Variants in ME1 observed in about 807,000 individuals in gnomAD.
ME1 encodes the protein malic enzyme 1, also known as NADP-dependent malic enzyme.
Under a neutral mutation model 66.4 loss-of-function variants are expected in ME1, and 74 were observed. The ratio of observed to expected loss-of-function variants is 1.11; its 90% CI spans 0.92 to 1.35. The LOEUF (loss-of-function observed/expected upper bound fraction) is 1.35, where lower values mean the gene tolerates loss of function less well. Among genes scored for constraint, ME1 ranks in the 40% most tolerant of loss-of-function variants. ME1 has a pLI of 0.00. For synonymous variants in ME1, 251 were observed against 235.6 expected (o/e 1.07, Z -0.60); for missense variants, 750 against 694.1 (o/e 1.08, Z -0.90).
At chr6:83,407,658 G>C in intron 2 of ME1, 110 bp downstream of exon 2, 1 of 1,079,152 alleles carries the variant, frequency 9.3e-7, no homozygotes, top group Non-Finnish European at 1.3e-6. Flanking sequence ...TCTTCTCAAA[G>C]TTGGCTACCC....
At chr6:83,320,630 T>A (rs1768133006) in intron 5 of ME1, among the ~76,000 whole-genome samples, 1 of 152,218 alleles carries the variant, frequency 6.6e-6, no homozygotes, top group Non-Finnish European at 1.5e-5. Context: ...ATTAAAATAC[T>A]TTCTCCATGT....
chr6:83,395,223 G>T (rs1203025561), intron 3 of ME1, among the ~76,000 whole-genome samples: 2 of 151,656 alleles, frequency 1.3e-5, no homozygotes, highest in Non-Finnish European at 2.9e-5. Context: ...TAGTAGCTGG[G>T]ATTACAGGCA....
At chr6:83,319,477 G>A (rs1250558879) in intron 5 of ME1, among the ~76,000 whole-genome samples, 1 of 152,096 alleles carries the variant, frequency 6.6e-6, no homozygotes. Context: ...TCTGATAACA[G>A]AGAAGGCCTA....
chr6:83,330,896 G>A (rs2128542063), intron 5 of ME1, among the ~76,000 whole-genome samples: 1 of 152,184 alleles, frequency 6.6e-6, no homozygotes, highest in African/African-American at 2.4e-5. Flanking sequence ...CAAACTCCTG[G>A]GAGTTGAGAA....
At chr6:83,359,746 A>G (rs1468503271) in intron 3 of ME1, among the ~76,000 whole-genome samples, 1 of 152,190 alleles carries the variant, frequency 6.6e-6, no homozygotes, top group Non-Finnish European at 1.5e-5. Context: ...ACCCTTGACC[A>G]ATGTCTTGCA....
At chr6:83,368,817 T>C (rs1017016679) in intron 3 of ME1, among the ~76,000 whole-genome samples, 1 of 152,098 alleles carries the variant, frequency 6.6e-6, no homozygotes, top group African/African-American at 2.4e-5. Context: ...AATTTAGAGA[T>C]AAGAAGAGCT....
intron 1 of ME1, among the ~76,000 whole-genome samples, chr6:83,424,998 CTTTTG>C (rs1441507258): frequency 6.6e-6 from 1 of 151,962 alleles, no homozygotes; most frequent in Non-Finnish European, 1.5e-5. Flanking sequence ...AGGTTTTATT[CTTTTG>C]TTTTGTTTTG....
At chr6:83,265,235 C>T (rs1052124997) in intron 6 of ME1, among the ~76,000 whole-genome samples, 2 of 152,190 alleles carry the variant, frequency 1.3e-5, no homozygotes, top group Non-Finnish European at 1.5e-5. Flanking sequence ...ATTTTTTAAA[C>T]ATAATGCTAT....
rs1234374237 is a variant in ME1, at chr6:83,339,877, A to G, written c.600+6296T>C. 1.0e-4 allele frequency among the ~76,000 whole-genome samples: 13 copies of G among 130,076 alleles called. No homozygotes were observed. The South Asian group carries it at 1.1e-3, about 11-fold the overall frequency. The allele number at this position is 130,076 out of a possible 152,430, so 85.3% of individuals were successfully genotyped here. ...GGAGATATACCTAATGCTAGATGAC[A>G]CGTTAGTGGGTGCAGCGCACCAGCA... On this transcript the variant is annotated intron_variant, in intron 5 of 13. Coordinates refer to ENST00000369705, the MANE Select transcript of ME1 (RefSeq NM_002395.6).
Position 83,307,273 on chromosome 6 carries a change from T to G in ME1, c.704+8037A>C, listed in dbSNP as rs183069630. The stretch of plus-strand genomic sequence containing the variant: ...GGTATAAATAGAAATAGTTGGGATT[T>G]TAAGGAAAATATGGCTATAGTTAAT... On this transcript the variant is annotated intron_variant, in intron 6 of 13. Coordinates refer to ENST00000369705, the MANE Select transcript of ME1 (RefSeq NM_002395.6). Among the ~76,000 whole-genome samples, 46 of 152,108 alleles carry G rather than the reference T, an allele frequency of 3.0e-4. 1 individual carries two copies. Among genetic ancestry groups the G allele is most frequent in the Admixed American group, 2.9e-3 (45 of 15,264 alleles).
At chr6:83,216,695 T>C (rs1790002320) in intron 12 of ME1, 99 bp from the exon 13 acceptor site, 3 of 717,756 alleles carry the variant, frequency 4.2e-6, no homozygotes, top group South Asian at 1.9e-5. Context: ...TAATGGTCTA[T>C]ACAAAAACCA....
intron 5 of ME1, among the ~76,000 whole-genome samples, chr6:83,343,041 T>C (rs924871237): frequency 1.3e-5 from 2 of 152,186 alleles, no homozygotes; most frequent in African/African-American, 4.8e-5. Context: ...TTCTAGCTAT[T>C]TTGAAATATA....
At chr6:83,281,189 T>C (rs1293417061) in intron 6 of ME1, among the ~76,000 whole-genome samples, 1 of 152,218 alleles carries the variant, frequency 6.6e-6, no homozygotes, top group Non-Finnish European at 1.5e-5. Context: ...TATGCAGATT[T>C]AGGAAGACTT....
At chr6:83,348,343 A>C (rs1040061022) in intron 4 of ME1, among the ~76,000 whole-genome samples, 3 of 152,238 alleles carry the variant, frequency 2.0e-5, no homozygotes, top group African/African-American at 7.2e-5. Flanking sequence ...GCATTACCAC[A>C]AATAGAGGTA....
At chr6:83,321,937 G>A (rs991848376) in intron 5 of ME1, among the ~76,000 whole-genome samples, 1 of 152,200 alleles carries the variant, frequency 6.6e-6, no homozygotes, top group South Asian at 2.1e-4. Flanking sequence ...CCTCTTGGGG[G>A]AAGCTGCCAG....
chr6:83,302,220 A>G (rs904787616), intron 6 of ME1, among the ~76,000 whole-genome samples: 3 of 152,202 alleles, frequency 2.0e-5, no homozygotes, highest in South Asian at 2.1e-4. Flanking sequence ...AAATTACCAC[A>G]TGTTCTCACT....
At chr6:83,415,538 A>G (rs542811357) in intron 1 of ME1, among the ~76,000 whole-genome samples, 191 of 152,338 alleles carry the variant, frequency 1.3e-3, no homozygotes, top group African/African-American at 4.5e-3. Context: ...CATTAATGTG[A>G]AACAAATTTT....
intron 3 of ME1, among the ~76,000 whole-genome samples, chr6:83,371,779 G>GA (rs1304376049): frequency 6.6e-6 from 1 of 152,104 alleles, no homozygotes; most frequent in East Asian, 1.9e-4. Context: ...TGCTACTACT[G>GA]AAAATCTGTC....
intron 5 of ME1, among the ~76,000 whole-genome samples, chr6:83,320,863 A>G (rs750385): frequency 0.12 from 17,857 of 152,196 alleles, 1,385 homozygotes; most frequent in Middle Eastern, 0.24. Context: ...ATTCCCAGGT[A>G]AGATGACCAA....
Sources: allele counts gnomAD v4.1 joint callset (sites outside exome capture counted in the v4.1 genomes callset), GRCh38; gene constraint gnomAD v4.1.1; transcripts MANE v1.5; gene names NCBI Gene and HGNC (gene_info 2026-07-23, HGNC 2026-07-21).